The following ZBTB20 variants were observed in gnomAD, a reference collection of about 807,000 sequenced individuals.
ZBTB20 encodes the protein zinc finger and BTB domain containing 20, also known as zinc finger and BTB domain-containing protein 20.
Under a neutral mutation model 56.9 loss-of-function variants are expected in ZBTB20, and 9 were observed. That is an observed-to-expected ratio of 0.16 (90% CI 0.10 to 0.28). ZBTB20 has a LOEUF of 0.28. Ranked by LOEUF, ZBTB20 falls within the 10% of genes least tolerant of loss-of-function variation. ZBTB20 has a pLI of 1.00. For synonymous variants in ZBTB20, 417 were observed against 420.7 expected (o/e 0.99, Z 0.11); for missense variants, 655 against 1,003.0 (o/e 0.65, Z 4.69).
chr3:114,840,247 G>A (rs2074325413), intron 4 of ZBTB20, among the ~76,000 whole-genome samples: 1 of 152,154 alleles, frequency 6.6e-6, no homozygotes, highest in Non-Finnish European at 1.5e-5. Context: ...GCTCAATTCA[G>A]TACTCAATTA....
chr3:114,719,549 G>T (rs1037588629), intron 5 of ZBTB20, among the ~76,000 whole-genome samples: 6 of 151,954 alleles, frequency 3.9e-5, no homozygotes, highest in African/African-American at 1.4e-4. Context: ...CTCCAGTATT[G>T]GGTTATTAGG....
chr3:114,569,095 T>C (rs1215385139), intron 6 of ZBTB20, among the ~76,000 whole-genome samples: 1 of 152,188 alleles, frequency 6.6e-6, no homozygotes, highest in Non-Finnish European at 1.5e-5. Context: ...AGAAACTGAT[T>C]TGGGTGAGTT....
chr3:114,853,099 C>A (rs998972462), intron 4 of ZBTB20, among the ~76,000 whole-genome samples: 19 of 152,220 alleles, frequency 1.2e-4, no homozygotes, highest in Non-Finnish European at 2.1e-4. Flanking sequence ...GGTTTATCTT[C>A]TCCACCTTGC....
chr3:114,588,172 T>C (rs1412146799), intron 6 of ZBTB20, among the ~76,000 whole-genome samples: 1 of 152,216 alleles, frequency 6.6e-6, no homozygotes, highest in Non-Finnish European at 1.5e-5. Context: ...GACAGCTTTC[T>C]TACCATGACA....
At chr3:114,484,152 C>G (rs2041854190) in intron 7 of ZBTB20, among the ~76,000 whole-genome samples, 1 of 152,134 alleles carries the variant, frequency 6.6e-6, no homozygotes, top group African/African-American at 2.4e-5. Context: ...ATTTTCCCTT[C>G]TTATGTTTGT....
At chr3:114,609,720 G>A (rs1459882180) in intron 6 of ZBTB20, among the ~76,000 whole-genome samples, 1 of 152,114 alleles carries the variant, frequency 6.6e-6, no homozygotes, top group African/African-American at 2.4e-5. Context: ...ATCCTGAATG[G>A]GGTAGGGCCT....
chr3:114,498,743 C>T (rs1227188121), intron 7 of ZBTB20, among the ~76,000 whole-genome samples: 1 of 152,172 alleles, frequency 6.6e-6, no homozygotes, highest in Non-Finnish European at 1.5e-5. Context: ...CAACTGATGG[C>T]TGATGTAGCA....
intron 10 of ZBTB20, among the ~76,000 whole-genome samples, chr3:114,378,056 A>G (rs971737781): frequency 2.9e-4 from 44 of 152,298 alleles, no homozygotes; most frequent in Non-Finnish European, 2.4e-4. Flanking sequence ...TAAAGAAATT[A>G]GGCTTTTAAA....
intron 5 of ZBTB20, among the ~76,000 whole-genome samples, chr3:114,772,288 C>T (rs927901621): frequency 7.9e-5 from 12 of 151,860 alleles, no homozygotes; most frequent in African/African-American, 1.2e-4. Context: ...TGCAGTGAGC[C>T]GAGATTAGGC....
intron 7 of ZBTB20, chr3:114,445,647 T>G (rs541092521): frequency 9.2e-5 from 14 of 152,066 alleles, no homozygotes; most frequent in Non-Finnish European, 1.8e-4. Context: ...CTCTGAAAAA[T>G]TGGTAAGAAA....
At chr3:114,796,221 A>G (rs528102478) in intron 5 of ZBTB20, among the ~76,000 whole-genome samples, 28 of 152,130 alleles carry the variant, frequency 1.8e-4, no homozygotes, top group Non-Finnish European at 3.4e-4. Flanking sequence ...CATGAAATTC[A>G]TAACATTGGA....
intron 6 of ZBTB20, among the ~76,000 whole-genome samples, chr3:114,681,574 T>A (rs2108253350): frequency 6.6e-6 from 1 of 152,370 alleles, no homozygotes; most frequent in Middle Eastern, 3.4e-3. Flanking sequence ...CTTCTTAGAA[T>A]CCACTTCTAC....
chr3:114,842,357 C>T (rs1004019719), intron 4 of ZBTB20, among the ~76,000 whole-genome samples: 2 of 152,146 alleles, frequency 1.3e-5, no homozygotes, highest in African/African-American at 2.4e-5. Flanking sequence ...AGGCAAAACT[C>T]GAGAGTGGCA....
At chr3:114,499,504 G>A (rs879467865) in intron 7 of ZBTB20, among the ~76,000 whole-genome samples, 5 of 152,244 alleles carry the variant, frequency 3.3e-5, no homozygotes, top group South Asian at 2.1e-4. Context: ...TCACCAGAGA[G>A]TGAGAAGCAG....
At chr3:114,939,009 G>A (rs1576376468) in intron 3 of ZBTB20, among the ~76,000 whole-genome samples, 2 of 145,062 alleles carry the variant, frequency 1.4e-5, no homozygotes, top group South Asian at 4.3e-4. Flanking sequence ...TGGTATTCCT[G>A]ACATGTTCAG....
In ZBTB20 at chr3:114,433,607, T is replaced by C. The variant is rs965598479; in HGVS notation, c.-254-44502A>G. On this transcript the variant is annotated intron_variant, in intron 7 of 11. Coordinates refer to ENST00000675478, the MANE Select transcript of ZBTB20 (RefSeq NM_001348800.3). ...ATTCAAATCACAACATTTACTACTA[T>C]ACCTTTTATTTCTGATGGCACATTC... is the stretch of plus-strand genomic sequence containing the variant. Among the ~76,000 whole-genome samples the C allele has an allele frequency of 3.3e-5, 5 of 152,216 alleles. 1 individual carries two copies. Among genetic ancestry groups the C allele is most frequent in the Admixed American group, 1.3e-4 (2 of 15,274 alleles).
chr3:115,043,430 G>A lies in ZBTB20; in HGVS notation c.-507+27789C>T, dbSNP rs571384463. Among the ~76,000 whole-genome samples, 8 of 150,870 alleles carry A rather than the reference G, an allele frequency of 5.3e-5. No individual in the cohort carries two copies. The East Asian group carries it at 1.6e-3, about 29-fold the overall frequency. ...AAAAAAAAAAAAAAATTAGCCAGGTGTGGTGGCAGCCGCCTGTAATCCCAG... is the reference window on the plus strand; with the variant it reads ...AAAAAAAAAAAAAAATTAGCCAGGTATGGTGGCAGCCGCCTGTAATCCCAG... On this transcript the variant is annotated intron_variant, in intron 2 of 11. Transcript: ENST00000675478.
At chr3:114,829,366 A>C (rs1300894098) in intron 4 of ZBTB20, among the ~76,000 whole-genome samples, 1 of 151,866 alleles carries the variant, frequency 6.6e-6, no homozygotes, top group East Asian at 1.9e-4. Flanking sequence ...AAATATATTC[A>C]AGTTTCTTCA....
rs914943219 is a variant in ZBTB20, at chr3:115,077,972, C to T, written c.-702-6558G>A. ...ATGCACTTGTACCAAATCATTTAAT[C>T]CTCAGGACAACCCAATAGGTACTAC... On this transcript the variant is annotated intron_variant, in intron 1 of 11. Coordinates refer to ENST00000675478, the MANE Select transcript of ZBTB20 (RefSeq NM_001348800.3). Among the ~76,000 whole-genome samples the T allele has an allele frequency of 6.6e-5, 10 of 152,290 alleles. No homozygotes were observed. The East Asian group carries it at 1.3e-3, about 21-fold the overall frequency.
Sources: gnomAD v4.1 joint callset for allele counts (sites outside exome capture counted in the v4.1 genomes callset) on GRCh38, gnomAD v4.1.1 for gene constraint, MANE v1.5 for transcripts, NCBI Gene and HGNC (gene_info 2026-07-23, HGNC 2026-07-21) for gene names.